ZZZ3: variants seen among roughly 807,000 people sequenced by gnomAD.
ZZZ3 encodes zinc finger ZZ-type containing 3, also known as ZZ-type zinc finger-containing protein 3.
Under a neutral mutation model 95.2 loss-of-function variants are expected in ZZZ3, and 22 were observed. The ratio of observed to expected loss-of-function variants is 0.23; its 90% CI spans 0.17 to 0.33. ZZZ3 has a LOEUF of 0.33. Ranked by LOEUF, ZZZ3 falls within the 10% of genes least tolerant of loss-of-function variation. The pLI, the probability that ZZZ3 is intolerant of heterozygous loss-of-function variation, is 1.00. For synonymous variants in ZZZ3, 335 were observed against 358.9 expected (o/e 0.93, Z 0.75); for missense variants, 885 against 1,066.5 (o/e 0.83, Z 2.37).
intron 14 of ZZZ3, 136 bp downstream of exon 14, chr1:77,565,945 A>T (rs1271456860): frequency 7.3e-6 from 8 of 1,096,102 alleles, no homozygotes; most frequent in Non-Finnish European, 1.0e-5. Flanking sequence ...GAAAAAAATT[A>T]ATTGCCTAGA....
intron 5 of ZZZ3, among the ~76,000 whole-genome samples, chr1:77,597,440 T>C (rs1373908888): frequency 1.3e-5 from 2 of 152,066 alleles, no homozygotes; most frequent in African/African-American, 4.8e-5. Context: ...GCATAGTGAC[T>C]TCCTTCCAAA....
At chr1:77,602,602 A>ATTTTTTTT (rs33915566) in intron 5 of ZZZ3, among the ~76,000 whole-genome samples, 2 of 117,964 alleles carry the variant, frequency 1.7e-5, no homozygotes, top group Non-Finnish European at 3.3e-5. Flanking sequence ...ATTTTTACTG[A>ATTTTTTTT]TTTTTTTTTT....
At chr1:77,682,112 A>G (rs747812095) in intron 1 of ZZZ3, among the ~76,000 whole-genome samples, 1 of 152,156 alleles carries the variant, frequency 6.6e-6, no homozygotes, top group Non-Finnish European at 1.5e-5. Context: ...GGGCCCTCCA[A>G]ATACTGCCAA....
At chr1:77,644,964 G>A (rs72683668) in intron 1 of ZZZ3, among the ~76,000 whole-genome samples, 1,852 of 152,220 alleles carry the variant, frequency 0.012, 43 homozygotes, top group South Asian at 0.1. Flanking sequence ...GGCTCACGCT[G>A]GTCATCTCAG....
At chr1:77,679,982 C>T (rs1672599942) in intron 1 of ZZZ3, among the ~76,000 whole-genome samples, 1 of 152,144 alleles carries the variant, frequency 6.6e-6, no homozygotes, top group Admixed American at 6.6e-5. Flanking sequence ...AGATCAGATG[C>T]ACGTGGACTA....
Position 77,565,430 on chromosome 1 carries a change from A to C in ZZZ3, c.*210T>G. On this transcript the variant is annotated 3_prime_UTR_variant, in exon 15 of 15. Coordinates refer to ENST00000370801, the MANE Select transcript of ZZZ3 (RefSeq NM_015534.6). ...CAGTGGTGAAAAATTCACCAGGGAAACCTTTGCTCACCAGGAATGTTCAGC... is the reference window on the plus strand; with the variant it reads ...CAGTGGTGAAAAATTCACCAGGGAACCCTTTGCTCACCAGGAATGTTCAGC... The C allele has an allele frequency of 2.2e-6, 1 of 452,854 alleles. No homozygotes were observed. Among genetic ancestry groups the C allele is most frequent in the Non-Finnish European group, 3.8e-6 (1 of 261,396 alleles). The allele number at this position is 452,854 out of a possible 1,614,324, so 28.1% of individuals were successfully genotyped here. A position where few individuals can be genotyped will look rare whatever the true frequency, so the allele number is the denominator to read the frequency against.
intron 5 of ZZZ3, among the ~76,000 whole-genome samples, chr1:77,598,922 A>G (rs1664469599): frequency 6.6e-6 from 1 of 152,128 alleles, no homozygotes; most frequent in Admixed American, 6.6e-5. Context: ...TACTGTTTCA[A>G]TTTTAGTGCT....
At chr1:77,674,012 A>G (rs958645584) in intron 1 of ZZZ3, among the ~76,000 whole-genome samples, 1 of 8,758 alleles carries the variant, frequency 1.1e-4, no homozygotes, top group African/African-American at 6.3e-4. Context: ...TTAAGTAGGA[A>G]AAAAAAAAAA....
chr1:77,644,327 A>G (rs1669066265), intron 1 of ZZZ3, among the ~76,000 whole-genome samples: 1 of 152,104 alleles, frequency 6.6e-6, no homozygotes, highest in African/African-American at 2.4e-5. Flanking sequence ...GGCCTCCCAA[A>G]GTGCTGGGAT....
At chr1:77,664,519 G>A (rs1671091653) in intron 1 of ZZZ3, among the ~76,000 whole-genome samples, 1 of 152,154 alleles carries the variant, frequency 6.6e-6, no homozygotes, top group East Asian at 1.9e-4. Context: ...AGTACATACA[G>A]TGCCTTAACA....
At chr1:77,609,088 T>C (rs752362589) in intron 5 of ZZZ3, among the ~76,000 whole-genome samples, 2 of 152,078 alleles carry the variant, frequency 1.3e-5, no homozygotes, top group Non-Finnish European at 2.9e-5. Flanking sequence ...AGACACAGAC[T>C]GGCTGAACGG....
In ZZZ3 at chr1:77,629,163, A is replaced by G. The variant is rs113068498; in HGVS notation, c.1505+2687T>C. 2.3e-4 allele frequency among the ~76,000 whole-genome samples: 35 copies of G among 152,318 alleles called. 1 individual carries two copies. Among genetic ancestry groups the G allele is most frequent in the African/African-American group, 7.9e-4 (33 of 41,572 alleles). On this transcript the variant is annotated intron_variant, in intron 5 of 14. Coordinates refer to ENST00000370801, the MANE Select transcript of ZZZ3 (RefSeq NM_015534.6). ...ACTCTTGGCTCTAGACAATGAAGGT[A>G]TGGGGGAGGAAAGAGACTTTACTGA...
At chr1:77,629,553 T>A (rs1667609438) in intron 5 of ZZZ3, among the ~76,000 whole-genome samples, 1 of 151,846 alleles carries the variant, frequency 6.6e-6, no homozygotes, top group Non-Finnish European at 1.5e-5. Context: ...GCCTGGGAGG[T>A]AGGTCAAAGC....
chr1:77,667,332 T>A (rs376191182), intron 1 of ZZZ3, among the ~76,000 whole-genome samples: 1 of 152,220 alleles, frequency 6.6e-6, no homozygotes, highest in South Asian at 2.1e-4. Context: ...ATGCTTTTTA[T>A]CATGTAACAT....
chr1:77,666,579 T>C (rs1671270197), intron 1 of ZZZ3, among the ~76,000 whole-genome samples: 1 of 152,204 alleles, frequency 6.6e-6, no homozygotes, highest in South Asian at 2.1e-4. Context: ...TAAACGTGTG[T>C]GTCCCCATTC....
intron 5 of ZZZ3, among the ~76,000 whole-genome samples, chr1:77,587,279 T>TAA (rs1557701677): frequency 1.4e-5 from 2 of 146,526 alleles, no homozygotes; most frequent in Admixed American, 1.4e-4. Context: ...TTTTTTTTTT[T>TAA]TGAGACAGAG....
intron 5 of ZZZ3, among the ~76,000 whole-genome samples, chr1:77,618,070 T>C (rs1211909435): frequency 6.6e-6 from 1 of 152,112 alleles, no homozygotes; most frequent in Non-Finnish European, 1.5e-5. Flanking sequence ...AGCAATGTAT[T>C]AGTGTTTCCA....
At chr1:77,675,099 TA>T (rs924611010) in intron 1 of ZZZ3, among the ~76,000 whole-genome samples, 26 of 151,644 alleles carry the variant, frequency 1.7e-4, no homozygotes, top group Non-Finnish European at 3.5e-4. Flanking sequence ...TCTATGGAAA[TA>T]AAAAAATGTA....
At chr1:77,593,998 G>T (rs1663972270) in intron 5 of ZZZ3, among the ~76,000 whole-genome samples, 1 of 151,956 alleles carries the variant, frequency 6.6e-6, no homozygotes, top group African/African-American at 2.4e-5. Flanking sequence ...GTACCACTCA[G>T]GTCACTCATT....
Sources: allele counts gnomAD v4.1 joint callset (sites outside exome capture counted in the v4.1 genomes callset), GRCh38; gene constraint gnomAD v4.1.1; transcripts MANE v1.5; gene names NCBI Gene and HGNC (gene_info 2026-07-23, HGNC 2026-07-21).